Variants in SLC44A5 observed in about 807,000 individuals in gnomAD.
SLC44A5 encodes the protein choline transporter-like protein 5.
Under a neutral mutation model 101.8 loss-of-function variants are expected in SLC44A5, and 57 were observed. That is an observed-to-expected ratio of 0.56 (90% CI 0.45 to 0.70). SLC44A5 has a LOEUF of 0.70. Ranked by LOEUF, SLC44A5 falls within the 30% of genes least tolerant of loss-of-function variation. SLC44A5 has a pLI of 0.00. For missense variants in SLC44A5, 737 were observed against 853.1 expected, an observed-to-expected ratio of 0.86 and a Z score of 1.70; for synonymous variants, 281 against 290.9, an observed-to-expected ratio of 0.97 and a Z score of 0.35.
chr1:75,307,102 T>C lies in SLC44A5; in HGVS notation c.102-6417A>G, dbSNP rs553411331. On this transcript the variant is annotated intron_variant, in intron 4 of 23. Transcript: ENST00000370859. Reference sequence around the variant, plus strand: ...CAACCATCCTGAAAGGTCATTAATATCAAGCATTAGAGTGAGAACAGAAGT... The same window carrying C: ...CAACCATCCTGAAAGGTCATTAATACCAAGCATTAGAGTGAGAACAGAAGT... Among the ~76,000 whole-genome samples, 11 of 152,236 alleles carry C rather than the reference T, an allele frequency of 7.2e-5. No homozygotes were observed. In the South Asian group the frequency reaches 2.3e-3, roughly 32 times the overall value.
At chr1:75,565,228 T>G (rs1328592648) in intron 1 of SLC44A5, among the ~76,000 whole-genome samples, 1 of 152,204 alleles carries the variant, frequency 6.6e-6, no homozygotes, top group African/African-American at 2.4e-5. Flanking sequence ...CATCGGAATA[T>G]TCTCACATTA....
At chr1:75,324,441 A>C (rs568780318) in intron 4 of SLC44A5, among the ~76,000 whole-genome samples, 109 of 152,358 alleles carry the variant, frequency 7.2e-4, no homozygotes, top group African/African-American at 2.5e-3. Context: ...AAGCATAGAG[A>C]AATGAAAATA....
chr1:75,390,895 T>C (rs945914150), intron 3 of SLC44A5, among the ~76,000 whole-genome samples: 5 of 152,018 alleles, frequency 3.3e-5, no homozygotes, highest in Admixed American at 1.3e-4. Flanking sequence ...GAAAAGAATA[T>C]GTAAAATTGT....
chr1:75,623,881 C>G, the SLC44A5 span, among the ~76,000 whole-genome samples: 4 of 152,050 alleles, frequency 2.6e-5, no homozygotes, highest in Non-Finnish European at 4.4e-5. Context: ...CTGAAACTTT[C>G]CATTTAAAAG....
At chr1:75,374,149 C>T (rs74930689) in intron 3 of SLC44A5, among the ~76,000 whole-genome samples, 28 of 152,274 alleles carry the variant, frequency 1.8e-4, no homozygotes, top group East Asian at 1.5e-3. Flanking sequence ...CCTGTTCTTA[C>T]GCAGGCATCA....
intron 1 of SLC44A5, among the ~76,000 whole-genome samples, chr1:75,597,385 T>A (rs1674702742): frequency 1.3e-5 from 2 of 152,120 alleles, no homozygotes; most frequent in Admixed American, 1.3e-4. Context: ...CAAAGCAACT[T>A]ATAAATTCAA....
At chr1:75,370,680 T>C (rs1660165248) in intron 3 of SLC44A5, among the ~76,000 whole-genome samples, 1 of 152,194 alleles carries the variant, frequency 6.6e-6, no homozygotes, top group African/African-American at 2.4e-5. Flanking sequence ...GTGTATGATG[T>C]CCTGCAGAAT....
At chr1:75,249,574 A>G (rs765199048) in intron 7 of SLC44A5, among the ~76,000 whole-genome samples, 30 of 152,112 alleles carry the variant, frequency 2.0e-4, no homozygotes, top group Non-Finnish European at 4.0e-4. Flanking sequence ...AGAGAACGCA[A>G]TCCAGGTGAA....
At chr1:75,646,926 A>G in the SLC44A5 span, among the ~76,000 whole-genome samples, 35 of 152,336 alleles carry the variant, frequency 2.3e-4, no homozygotes, top group African/African-American at 8.2e-4. Context: ...TGACAATGCA[A>G]AAGAAAAGAA....
chr1:75,684,207 A>G, the SLC44A5 span, among the ~76,000 whole-genome samples: 39,769 of 152,072 alleles, frequency 0.26, 6,476 homozygotes, highest in East Asian at 0.68. Context: ...ATGTGATTCA[A>G]TTATCTCCAC....
chr1:75,627,985 T>C, the SLC44A5 span, among the ~76,000 whole-genome samples: 2 of 150,742 alleles, frequency 1.3e-5, no homozygotes, highest in Non-Finnish European at 2.9e-5. Flanking sequence ...GTTGAAATGA[T>C]TTAACATAGG....
At chr1:75,694,986 T>C in the SLC44A5 span, among the ~76,000 whole-genome samples, 1 of 152,300 alleles carries the variant, frequency 6.6e-6, no homozygotes, top group South Asian at 2.1e-4. Flanking sequence ...TTGATGACAA[T>C]ATTTTTACCA....
At chr1:75,675,320 C>T in the SLC44A5 span, among the ~76,000 whole-genome samples, 1 of 152,022 alleles carries the variant, frequency 6.6e-6, no homozygotes, top group African/African-American at 2.4e-5. Context: ...TTGAACAGGT[C>T]CTTTACTTCC....
chr1:75,245,878 A>G (rs1423018633), intron 7 of SLC44A5, among the ~76,000 whole-genome samples: 1 of 152,140 alleles, frequency 6.6e-6, no homozygotes, highest in African/African-American at 2.4e-5. Flanking sequence ...TAATTAGCCA[A>G]AATGAAGGTC....
the SLC44A5 span, among the ~76,000 whole-genome samples, chr1:75,638,652 T>C: frequency 6.6e-6 from 1 of 152,108 alleles, no homozygotes; most frequent in African/African-American, 2.4e-5. Context: ...CTCTGATAAA[T>C]CTTGTCAGCC....
chr1:75,471,022 C>T (rs1309959186), intron 2 of SLC44A5, among the ~76,000 whole-genome samples: 1 of 152,082 alleles, frequency 6.6e-6, no homozygotes, highest in South Asian at 2.1e-4. Flanking sequence ...GCTAACAAAA[C>T]ACAACTATCT....
chr1:75,268,895 T>C (rs376293570), intron 6 of SLC44A5, among the ~76,000 whole-genome samples: 1 of 152,164 alleles, frequency 6.6e-6, no homozygotes, highest in Non-Finnish European at 1.5e-5. Context: ...TTAGGTTGTT[T>C]CCATTTTATT....
intron 6 of SLC44A5, among the ~76,000 whole-genome samples, chr1:75,265,662 A>G (rs1170781048): frequency 1.3e-5 from 2 of 152,202 alleles, no homozygotes; most frequent in African/African-American, 4.8e-5. Context: ...ATGTAACAAA[A>G]TATCACATGC....
the SLC44A5 span, among the ~76,000 whole-genome samples, chr1:75,638,689 C>T: frequency 6.6e-6 from 1 of 152,030 alleles, no homozygotes; most frequent in Non-Finnish European, 1.5e-5. Flanking sequence ...GTCCTTCTTT[C>T]TTTGTAGTTT....
Sources: gnomAD v4.1 joint callset for allele counts (sites outside exome capture counted in the v4.1 genomes callset) on GRCh38, gnomAD v4.1.1 for gene constraint, MANE v1.5 for transcripts, NCBI Gene and HGNC (gene_info 2026-07-23, HGNC 2026-07-21) for gene names.